The following ADAMTS3 variants were observed in gnomAD, a reference collection of about 807,000 sequenced individuals.
The protein encoded by ADAMTS3 is ADAM metallopeptidase with thrombospondin type 1 motif 3, also known as A disintegrin and metalloproteinase with thrombospondin motifs 3.
ADAMTS3 carries 73 observed loss-of-function variants against 129.0 expected under a neutral mutation model. The observed-to-expected ratio is 0.57, with a 90% CI of 0.47 to 0.69. The LOEUF is 0.69. ADAMTS3 is among the 30% of genes least tolerant of loss of function. The probability of loss-of-function intolerance (pLI) is 0.00; values close to 1 mark genes in which losing one functional copy is unlikely to be tolerated. For synonymous variants in ADAMTS3, 477 were observed against 510.8 expected (o/e 0.93, Z 0.89); for missense variants, 1,457 against 1,514.5 (o/e 0.96, Z 0.63).
rs371809628 is a variant in ADAMTS3, at chr4:72,339,476, A to C, written c.861+18T>G. 1.2e-5 allele frequency: 20 copies of C among 1,612,054 alleles called. No individual in the cohort carries two copies. Among genetic ancestry groups the C allele is most frequent in the Non-Finnish European group, 1.7e-5 (20 of 1,178,704 alleles). ...GAATTAAAAGATCAAAAAGCTTTAA[A>C]AAGGAGTCACTACTCACAATGTTCA... On this transcript the variant is annotated intron_variant, in intron 5 of 21. Transcript: ENST00000286657.
At chr4:72,440,661 T>G (rs1560516451) in intron 3 of ADAMTS3, among the ~76,000 whole-genome samples, 1 of 151,762 alleles carries the variant, frequency 6.6e-6, no homozygotes, top group African/African-American at 2.4e-5. Flanking sequence ...TATTCTCACA[T>G]GACTTTGAAC....
rs374747087 is a variant in ADAMTS3, at chr4:72,385,048, G to A, written c.661+29767C>T. On this transcript the variant is annotated intron_variant, in intron 4 of 21. Transcript: ENST00000286657. Reference sequence around the variant, plus strand: ...AAGAAAATTAGCCGGGATTGGTGGCGGGCACCTGTAGTCCCAGCTACTTCT... The same window carrying A: ...AAGAAAATTAGCCGGGATTGGTGGCAGGCACCTGTAGTCCCAGCTACTTCT... 1.2e-4 allele frequency among the ~76,000 whole-genome samples: 18 copies of A among 152,026 alleles called. No individual in the cohort carries two copies. The South Asian group carries it at 1.7e-3, about 14-fold the overall frequency.
intron 5 of ADAMTS3, among the ~76,000 whole-genome samples, chr4:72,334,881 C>T (rs1560476917): frequency 1.3e-5 from 2 of 151,742 alleles, no homozygotes; most frequent in Non-Finnish European, 2.9e-5. Context: ...ATATAGGAAG[C>T]TTGGTGAAAT....
intron 4 of ADAMTS3, among the ~76,000 whole-genome samples, chr4:72,347,059 A>G (rs1270022483): frequency 6.6e-6 from 1 of 152,104 alleles, no homozygotes; most frequent in East Asian, 1.9e-4. Context: ...TAAGCTGGAA[A>G]CTGGAGGAAT....
At chr4:72,513,080 T>C (rs1448778190) in intron 3 of ADAMTS3, among the ~76,000 whole-genome samples, 2 of 152,208 alleles carry the variant, frequency 1.3e-5, no homozygotes, top group Non-Finnish European at 2.9e-5. Context: ...GTCTTCCAAA[T>C]TCCTGTCCCT....
intron 4 of ADAMTS3, among the ~76,000 whole-genome samples, chr4:72,385,305 T>C (rs974080151): frequency 1.3e-5 from 2 of 152,102 alleles, no homozygotes; most frequent in African/African-American, 4.8e-5. Context: ...ATATTTATTA[T>C]AGTACCTCAG....
At chr4:72,519,607 C>A (rs936548597) in intron 3 of ADAMTS3, among the ~76,000 whole-genome samples, 91 of 152,270 alleles carry the variant, frequency 6.0e-4, no homozygotes, top group Middle Eastern at 3.4e-3. Flanking sequence ...GTCACTGATA[C>A]CCTTTCTTCC....
At chr4:72,330,494 C>A (rs1209801784) in intron 5 of ADAMTS3, 2 of 152,208 alleles carry the variant, frequency 1.3e-5, no homozygotes, top group Non-Finnish European at 2.9e-5. Context: ...CAGTTACAGA[C>A]TAAATCATCC....
chr4:72,319,268 G>A, intron 9 of ADAMTS3, 64 bp downstream of exon 9: 2 of 1,581,220 alleles, frequency 1.3e-6, no homozygotes, highest in Non-Finnish European at 1.7e-6. Flanking sequence ...CAAGTCCTAA[G>A]AGTCAGTTTC....
chr4:72,541,186 G>T (rs1384057750), intron 3 of ADAMTS3, among the ~76,000 whole-genome samples: 1 of 152,236 alleles, frequency 6.6e-6, no homozygotes, highest in African/African-American at 2.4e-5. Flanking sequence ...GCATGACCCA[G>T]ATGTGAGACC....
intron 3 of ADAMTS3, among the ~76,000 whole-genome samples, chr4:72,455,206 T>A (rs951602891): frequency 1.3e-5 from 2 of 151,582 alleles, no homozygotes; most frequent in African/African-American, 2.4e-5. Context: ...GCGATTAAAG[T>A]ATAAGAGCCA....
intron 4 of ADAMTS3, among the ~76,000 whole-genome samples, chr4:72,354,518 G>A (rs1358764192): frequency 1.3e-5 from 2 of 151,726 alleles, no homozygotes; most frequent in Non-Finnish European, 2.9e-5. Flanking sequence ...TCTTGTTCTC[G>A]CCTGCTGGCT....
intron 3 of ADAMTS3, among the ~76,000 whole-genome samples, chr4:72,468,500 T>A (rs987767250): frequency 2.0e-5 from 3 of 152,084 alleles, no homozygotes; most frequent in Non-Finnish European, 4.4e-5. Context: ...ACATGGTAAT[T>A]ACATAAATAA....
At chr4:72,477,576 A>G (rs1026856565) in intron 3 of ADAMTS3, among the ~76,000 whole-genome samples, 1 of 152,196 alleles carries the variant, frequency 6.6e-6, no homozygotes. Flanking sequence ...CTAAATGCCC[A>G]CAAGAGAAAG....
chr4:72,439,277 G>A (rs1237932859), intron 3 of ADAMTS3, among the ~76,000 whole-genome samples: 1 of 151,488 alleles, frequency 6.6e-6, no homozygotes, highest in East Asian at 2.0e-4. Flanking sequence ...TAATTACCTT[G>A]AGCAACAACA....
At chr4:72,444,406 C>T (rs1250859145) in intron 3 of ADAMTS3, among the ~76,000 whole-genome samples, 1 of 151,686 alleles carries the variant, frequency 6.6e-6, no homozygotes, top group Non-Finnish European at 1.5e-5. Context: ...TTAAACACCT[C>T]AGGATACTCT....
chr4:72,517,109 T>G (rs1293629735), intron 3 of ADAMTS3, among the ~76,000 whole-genome samples: 1 of 152,130 alleles, frequency 6.6e-6, no homozygotes, highest in Non-Finnish European at 1.5e-5. Context: ...GGTTTTTGTC[T>G]TTGGTTCTGT....
chr4:72,310,266 T>C (rs1464434438), intron 14 of ADAMTS3, among the ~76,000 whole-genome samples: 1 of 152,040 alleles, frequency 6.6e-6, no homozygotes. Flanking sequence ...AGAATAATGA[T>C]ACACAATACA....
intron 4 of ADAMTS3, among the ~76,000 whole-genome samples, chr4:72,382,593 T>C (rs1475645486): frequency 6.6e-6 from 1 of 152,204 alleles, no homozygotes; most frequent in Non-Finnish European, 1.5e-5. Context: ...GTACGTTTAC[T>C]GCAGCACTAT....
Sources: allele counts gnomAD v4.1 joint callset (sites outside exome capture counted in the v4.1 genomes callset), GRCh38; gene constraint gnomAD v4.1.1; transcripts MANE v1.5; gene names NCBI Gene and HGNC (gene_info 2026-07-23, HGNC 2026-07-21).